TOP2B: variants seen among roughly 807,000 people sequenced by gnomAD.
The protein encoded by TOP2B is DNA topoisomerase II beta, also known as DNA topoisomerase 2-beta.
Under a neutral mutation model 193.5 loss-of-function variants are expected in TOP2B, and 51 were observed. The observed-to-expected ratio is 0.26, with a 90% CI of 0.21 to 0.33. TOP2B has a LOEUF of 0.33. TOP2B is among the 10% of genes least tolerant of loss of function. The pLI is 1.00. For synonymous variants in TOP2B, 634 were observed against 635.7 expected (o/e 1.00, Z 0.04); for missense variants, 1,378 against 1,909.3 (o/e 0.72, Z 5.19).
Position 25,601,093 on chromosome 3 carries a change from T to C in TOP2B, c.4615+7A>G. ...TGTTTAAAGGGTTATAAGAAGATAATCCTCACCTTTTGGTGTTGTAGTCTT... is the reference window on the plus strand; with the variant it reads ...TGTTTAAAGGGTTATAAGAAGATAACCCTCACCTTTTGGTGTTGTAGTCTT... On this transcript the variant is annotated splice_region_variant and intron_variant, in intron 34 of 35. Transcript: ENST00000264331. 6.2e-7 allele frequency: 1 copy of C among 1,612,902 alleles called. No individual in the cohort carries two copies.
intron 4 of TOP2B, among the ~76,000 whole-genome samples, chr3:25,639,080 C>G (rs1469816769): frequency 1.3e-5 from 2 of 151,848 alleles, no homozygotes; most frequent in Admixed American, 6.6e-5. Context: ...TTAAGTGGAT[C>G]TATGTAAGTT....
rs1463183477 is a variant in TOP2B, at chr3:25,618,436, C to G, written c.3333G>C (p.Trp1111Cys). ...TGATTACCTTTTCTTGTGCTTCTTT[C>G]CAGGCTTTCACTGGGTCAGATTCAT... ...RGYESDPVKA[W>C]KEAQEKAAEE... Residue 1111 changes from tryptophan (W) to cysteine (C), a missense_variant, in exon 25 of 36, where the codon TGG becomes TGC. By Grantham distance (215) the Trp-to-Cys change is radical. Coordinates refer to ENST00000264331, the MANE Select transcript of TOP2B (RefSeq NM_001330700.2). The G allele has an allele frequency of 6.2e-7, 1 of 1,612,114 alleles. No individual in the cohort carries two copies. The highest frequency in any genetic ancestry group is 2.2e-5 in the East Asian group (1 of 44,856).
intron 27 of TOP2B, 32 bp from the exon 28 acceptor site, chr3:25,612,741 A>G: frequency 1.3e-6 from 2 of 1,542,818 alleles, no homozygotes; most frequent in Non-Finnish European, 1.8e-6. Flanking sequence ...GAAGGAACAT[A>G]AACAACTTCT....
Position 25,615,470 on chromosome 3 carries a change from T to C in TOP2B, c.3468A>G (p.Lys1156=), listed in dbSNP as rs778863989. 1.3e-6 allele frequency: 2 copies of C among 1,566,490 alleles called. No homozygotes were observed. Among genetic ancestry groups the C allele is most frequent in the Admixed American group, 3.8e-5 (2 of 53,086 alleles). ...GTTTAATCAGTTCTTCAACTTTTTC[T>C]TTAGTAAGAGACCACAGAGACATAT... The part of the protein sequence containing the change: ...ILNMSLWSLT[K]EKVEELIKQR... The change falls in exon 26 of 36, where the codon AAA becomes AAG. Residue 1156 remains lysine (K), a synonymous_variant. Coordinates refer to ENST00000264331, the MANE Select transcript of TOP2B (RefSeq NM_001330700.2).
At chr3:25,626,495 T>G in intron 18 of TOP2B, 65 bp downstream of exon 18, 2 of 914,728 alleles carry the variant, frequency 2.2e-6, no homozygotes, top group Non-Finnish European at 3.2e-6. Flanking sequence ...AAGGATGGCT[T>G]AAAGTACATG....
At chr3:25,622,710 G>A (rs1397714424) in intron 21 of TOP2B, among the ~76,000 whole-genome samples, 5 of 149,852 alleles carry the variant, frequency 3.3e-5, no homozygotes, top group African/African-American at 4.9e-5. Context: ...GCGCAATCTC[G>A]GCTCACCGCA....
At chr3:25,643,096 A>T (rs1284921682) in intron 3 of TOP2B, among the ~76,000 whole-genome samples, 1 of 152,200 alleles carries the variant, frequency 6.6e-6, no homozygotes, top group African/African-American at 2.4e-5. Flanking sequence ...AGACCCATAC[A>T]ACTGCACTAA....
chr3:25,637,593 CA>C (rs1703139584), intron 5 of TOP2B, among the ~76,000 whole-genome samples: 1 of 152,008 alleles, frequency 6.6e-6, no homozygotes, highest in Non-Finnish European at 1.5e-5. Context: ...CACGACCCAG[CA>C]AATCTCTGTG....
chr3:25,609,422 G>A, intron 29 of TOP2B, 78 bp from the exon 30 acceptor site: 1 of 1,463,698 alleles, frequency 6.8e-7, no homozygotes, highest in Non-Finnish European at 9.1e-7. Flanking sequence ...TTGTTATAAT[G>A]AAAAGTTCAT....
intron 28 of TOP2B, among the ~76,000 whole-genome samples, chr3:25,611,924 T>G (rs1458426186): frequency 6.6e-6 from 1 of 152,002 alleles, no homozygotes; most frequent in Non-Finnish European, 1.5e-5. Flanking sequence ...TGTTTTGGCT[T>G]CCAAGATTTT....
At chr3:25,638,624 T>A (rs1250867281) in intron 4 of TOP2B, among the ~76,000 whole-genome samples, 1 of 151,802 alleles carries the variant, frequency 6.6e-6, no homozygotes, top group South Asian at 2.1e-4. Context: ...AGAAAACCTT[T>A]AAAAAAGGTT....
chr3:25,648,096 G>T (rs1397146703), intron 1 of TOP2B, among the ~76,000 whole-genome samples: 1 of 152,206 alleles, frequency 6.6e-6, no homozygotes, highest in Non-Finnish European at 1.5e-5. Flanking sequence ...TACCTCCAAT[G>T]GAACAGCTGA....
At chr3:25,621,821 T>A (rs1485026961) in intron 21 of TOP2B, among the ~76,000 whole-genome samples, 1 of 151,928 alleles carries the variant, frequency 6.6e-6, no homozygotes, top group Non-Finnish European at 1.5e-5. Flanking sequence ...AAACCCCGTC[T>A]CTACTAAAAA....
chr3:25,639,977 G>C (rs908276418), intron 4 of TOP2B, among the ~76,000 whole-genome samples: 3 of 152,142 alleles, frequency 2.0e-5, no homozygotes, highest in Admixed American at 1.3e-4. Context: ...ATACAAAAAT[G>C]TTAAAAAGAA....
chr3:25,649,780 A>G (rs1237451528), intron 1 of TOP2B, among the ~76,000 whole-genome samples: 2 of 152,196 alleles, frequency 1.3e-5, no homozygotes, highest in African/African-American at 4.8e-5. Context: ...CAAAAGGATA[A>G]AAAATAGCAA....
intron 27 of TOP2B, among the ~76,000 whole-genome samples, chr3:25,613,112 T>C (rs1408095718): frequency 1.3e-5 from 2 of 152,042 alleles, no homozygotes; most frequent in South Asian, 2.1e-4. Context: ...TTAGTCGTAA[T>C]AGAAAATATG....
intron 16 of TOP2B, 89 bp downstream of exon 16, chr3:25,627,098 G>T: frequency 1.1e-6 from 1 of 939,766 alleles, no homozygotes; most frequent in South Asian, 1.7e-5. Context: ...ATTCAAAAGA[G>T]ACTTATCATA....
At chr3:25,617,872 T>A (rs73820570) in intron 25 of TOP2B, among the ~76,000 whole-genome samples, 1 of 152,338 alleles carries the variant, frequency 6.6e-6, no homozygotes, top group African/African-American at 2.4e-5. Context: ...TAATAAAACA[T>A]CAGACTTTTA....
chr3:25,639,546 T>G (rs982495139), intron 4 of TOP2B, among the ~76,000 whole-genome samples: 2 of 152,218 alleles, frequency 1.3e-5, no homozygotes, highest in Non-Finnish European at 2.9e-5. Context: ...GACCTCATAA[T>G]CCACCCGCCT....
Sources: gnomAD v4.1 joint callset for allele counts (sites outside exome capture counted in the v4.1 genomes callset) on GRCh38, gnomAD v4.1.1 for gene constraint, MANE v1.5 for transcripts, NCBI Gene and HGNC (gene_info 2026-07-23, HGNC 2026-07-21) for gene names.